KMT2A: variants seen among roughly 807,000 people sequenced by gnomAD.
KMT2A encodes lysine methyltransferase 2A.
Under a neutral mutation model 345.3 loss-of-function variants are expected in KMT2A, and 16 were observed. The ratio of observed to expected loss-of-function variants is 0.05; its 90% confidence interval spans 0.03 to 0.07. The LOEUF is 0.07. KMT2A is among the 10% of genes least tolerant of loss of function. KMT2A has a pLI of 1.00. For synonymous variants in KMT2A, 1,599 were observed against 1,778.6 expected, an observed-to-expected ratio of 0.90 and a Z score of 2.54; for missense variants, 3,272 against 4,841.6, an observed-to-expected ratio of 0.68 and a Z score of 9.62.
chr11:118,457,906 AG>A (rs1425561158), intron 1 of KMT2A, among the ~76,000 whole-genome samples: 19 of 152,102 alleles, frequency 1.2e-4, no homozygotes, highest in African/African-American at 4.3e-4. Flanking sequence ...TCTGTTTTTA[AG>A]ATTAGCAGGT....
At chr11:118,488,790 G>T (rs782603430) in intron 11 of KMT2A, 30 bp downstream of exon 11, 15 of 1,609,586 alleles carry the variant, frequency 9.3e-6, no homozygotes, top group Non-Finnish European at 1.2e-5. Flanking sequence ...AACTACAGCT[G>T]GGCCTCTGTA....
chr11:118,475,350 A>T (rs911474553), intron 3 of KMT2A, among the ~76,000 whole-genome samples: 2 of 152,118 alleles, frequency 1.3e-5, no homozygotes, highest in African/African-American at 4.8e-5. Context: ...TTAGGGTTTT[A>T]AAAAAATCGT....
In KMT2A at chr11:118,484,111, A is replaced by G; in HGVS notation, c.4087-72A>G. ...TCTATTAATAAAATTTGTCATTTGC[A>G]TTATTATCTGTTGCAAATGTGAAGG... On this transcript the variant is annotated intron_variant, in intron 8 of 35. Coordinates refer to ENST00000534358, the MANE Select transcript of KMT2A (RefSeq NM_001197104.2). This position sits in a 1 kb window ranked among gnomAD's most constrained non-coding sequence, Gnocchi z 4.1. 2.9e-6 allele frequency: 4 copies of G among 1,401,292 alleles called. No homozygotes were observed. The South Asian group carries it at 3.7e-5, about 13-fold the overall frequency. 86.8% of individuals were successfully genotyped at this position (1,401,292 alleles called of 1,614,324 possible).
intron 1 of KMT2A, chr11:118,448,983 C>A (rs1423183196): frequency 1.3e-5 from 2 of 152,142 alleles, no homozygotes; most frequent in African/African-American, 2.4e-5. Context: ...CATAAAACTG[C>A]TTGTATAAAT....
rs1555048078 is a variant in KMT2A, at chr11:118,505,921, C to T, written c.10029C>T (p.Val3343=). 1 of 1,614,196 alleles carries T rather than the reference C, an allele frequency of 6.2e-7. No homozygotes were observed. The highest frequency in any genetic ancestry group is 2.2e-5 in the East Asian group (1 of 44,882). Reference sequence around the variant, plus strand: ...CTGGCTTGGCATCCAGTTCCTCTGTCTTGAATGTTGTATCCATGCAAACTA... The same window carrying T: ...CTGGCTTGGCATCCAGTTCCTCTGTTTTGAATGTTGTATCCATGCAAACTA... ...SVSGLASSSS[V]LNVVSMQTTT... is the part of the protein sequence containing the mutation. The change falls in exon 27 of 36, where the codon GTC becomes GTT. Residue 3343 remains valine, a synonymous_variant. Coordinates refer to ENST00000534358, the MANE Select transcript of KMT2A (RefSeq NM_001197104.2). This position sits in a 1 kb window ranked among gnomAD's most constrained non-coding sequence, Gnocchi z 4.6.
rs1368519040 is a variant in KMT2A at position 118,521,113 on chromosome 11, A to C, written c.11514-175A>C. On this transcript the variant is annotated intron_variant, in intron 34 of 35. Coordinates refer to ENST00000534358, the MANE Select transcript of KMT2A (RefSeq NM_001197104.2). The surrounding 1 kb of genome is among the most constrained non-coding windows in gnomAD (Gnocchi z 5.3). Reference sequence around the variant, plus strand: ...TCCAGCGGGTCACAGAATGGAAATAACTTTCATCTTTGGCCATGTGTTAGA... The same window carrying C: ...TCCAGCGGGTCACAGAATGGAAATACCTTTCATCTTTGGCCATGTGTTAGA... 1 of 705,660 alleles carries C rather than the reference A, an allele frequency of 1.4e-6. No homozygotes were observed. The highest frequency in any genetic ancestry group is 1.8e-5 in the African/African-American group (1 of 55,972). 43.7% of individuals were successfully genotyped at this position (705,660 alleles called of 1,614,324 possible).
At chr11:118,517,505 A>G (rs1379853412) in intron 31 of KMT2A, among the ~76,000 whole-genome samples, 1 of 152,120 alleles carries the variant, frequency 6.6e-6, no homozygotes, top group Non-Finnish European at 1.5e-5. Context: ...TACCTAAGCC[A>G]AATTCTTAAG....
chr11:118,479,174 C>G (rs1260114529), intron 5 of KMT2A, among the ~76,000 whole-genome samples: 2 of 152,122 alleles, frequency 1.3e-5, no homozygotes, highest in African/African-American at 4.8e-5. Flanking sequence ...GTTGTGCTAT[C>G]AAATGCTAAG....
chr11:118,485,814 G>A (rs1555040722), intron 10 of KMT2A, among the ~76,000 whole-genome samples: 1 of 152,236 alleles, frequency 6.6e-6, no homozygotes, highest in Non-Finnish European at 1.5e-5. Context: ...TGGGCACGGT[G>A]GCTCACGCCT....
intron 5 of KMT2A, 35 bp from the exon 6 acceptor site, chr11:118,480,139 T>C: frequency 6.5e-7 from 1 of 1,535,016 alleles, no homozygotes; most frequent in Non-Finnish European, 9.0e-7. Context: ...CTTCTAAATT[T>C]AATTTGTTTC....
rs1950554984 is a variant in KMT2A, at chr11:118,504,859, A to G, written c.8967A>G (p.Glu2989=). ...LLSPGVDPTP[E]GHMTPDHFIQ... ...GCCCAGGAGTAGATCCAACTCCTGA[A>G]GGCCACATGACTCCTGATCATTTTA... Residue 2989 remains glutamate, a synonymous_variant, in exon 27 of 36, where the codon GAA becomes GAG. Coordinates refer to ENST00000534358, the MANE Select transcript of KMT2A (RefSeq NM_001197104.2). The surrounding 1 kb of genome is among the most constrained non-coding windows in gnomAD (Gnocchi z 6.4). 6.8e-6 allele frequency: 11 copies of G among 1,614,138 alleles called. No individual in the cohort carries two copies. Among genetic ancestry groups the G allele is most frequent in the Non-Finnish European group, 7.6e-6 (9 of 1,180,002 alleles).
intron 1 of KMT2A, among the ~76,000 whole-genome samples, chr11:118,454,869 A>G (rs1949611510): frequency 6.6e-6 from 1 of 151,632 alleles, no homozygotes; most frequent in African/African-American, 2.4e-5. Flanking sequence ...TTTAACTTGC[A>G]GAACAATTGA....
chr11:118,509,166 G>T lies in KMT2A; in HGVS notation c.10866G>T (p.Val3622=). 6.2e-7 allele frequency: 1 copy of T among 1,613,856 alleles called. No individual in the cohort carries two copies. The highest frequency in any genetic ancestry group is 1.1e-5 in the South Asian group (1 of 91,042). Residue 3622 remains valine, a synonymous_variant, in exon 29 of 36, where the codon GTG becomes GTT. Coordinates refer to ENST00000534358, the MANE Select transcript of KMT2A (RefSeq NM_001197104.2). ...GQVAVLPEVQ[V]TQNPANEQES... The stretch of plus-strand genomic sequence containing the variant: ...TCGCTGTTCTTCCGGAAGTTCAGGT[G>T]ACCCAAAATCCAGCAAATGAACAAG...
intron 1 of KMT2A, among the ~76,000 whole-genome samples, chr11:118,439,639 A>G (rs1475633191): frequency 6.6e-6 from 1 of 152,274 alleles, no homozygotes; most frequent in Admixed American, 6.5e-5. Context: ...ACTAGTATAT[A>G]ATGTAAAGCC....
At position 118,498,137 on chromosome 11, in the gene KMT2A, T is replaced by C; in HGVS notation, c.5802+64T>C. 6.6e-7 allele frequency: 1 copy of C among 1,526,626 alleles called. No individual in the cohort carries two copies. Among genetic ancestry groups the C allele is most frequent in the African/African-American group, 1.4e-5 (1 of 73,172 alleles). The allele number at this position is 1,526,626 out of a possible 1,614,324, so 94.6% of individuals were successfully genotyped here. A position where few individuals can be genotyped will look rare whatever the true frequency, so the allele number is the denominator to read the frequency against. ...TCTCAGTTTCCAGATATTCTTCCTGTGGGTGAATATGGCCTCCCTGATATT... is the reference window on the plus strand; with the variant it reads ...TCTCAGTTTCCAGATATTCTTCCTGCGGGTGAATATGGCCTCCCTGATATT... On this transcript the variant is annotated intron_variant, in intron 21 of 35. Coordinates refer to ENST00000534358, the MANE Select transcript of KMT2A (RefSeq NM_001197104.2). This position sits in a 1 kb window ranked among gnomAD's most constrained non-coding sequence, Gnocchi z 4.4.
In KMT2A at chr11:118,504,322, C is replaced by T; in HGVS notation, c.8430C>T (p.Ser2810=). 6.2e-7 allele frequency: 1 copy of T among 1,614,154 alleles called. No individual in the cohort carries two copies. The highest frequency in any genetic ancestry group is 8.5e-7 in the Non-Finnish European group (1 of 1,180,022). Residue 2810 remains serine, a synonymous_variant, in exon 27 of 36, where the codon AGC becomes AGT. Coordinates refer to ENST00000534358, the MANE Select transcript of KMT2A (RefSeq NM_001197104.2). This position sits in a 1 kb window ranked among gnomAD's most constrained non-coding sequence, Gnocchi z 6.4. ...LEAQLSSLES[S]RRVHTSTPSD... ...CTCAGCTCAGCTCATTGGAGTCAAG[C>T]CGCAGAGTCCACACAAGTACCCCCT...
intron 5 of KMT2A, among the ~76,000 whole-genome samples, chr11:118,479,681 A>G (rs1555038674): frequency 6.6e-6 from 1 of 152,238 alleles, no homozygotes; most frequent in Non-Finnish European, 1.5e-5. Flanking sequence ...ATTCAGTGCA[A>G]TTGTAGACTT....
At chr11:118,475,838 T>C (rs1396522144) in intron 3 of KMT2A, among the ~76,000 whole-genome samples, 1 of 152,224 alleles carries the variant, frequency 6.6e-6, no homozygotes, top group African/African-American at 2.4e-5. Context: ...TTTAACACCA[T>C]GTTGGATGTT....
chr11:118,482,230 A>G, intron 7 of KMT2A, 138 bp downstream of exon 7: 2 of 1,047,172 alleles, frequency 1.9e-6, no homozygotes, highest in Non-Finnish European at 2.7e-6. Flanking sequence ...CTTTCTAACT[A>G]TTATGTTTAA....
Sources: gnomAD v4.1 joint callset for allele counts (sites outside exome capture counted in the v4.1 genomes callset) on GRCh38, gnomAD v4.1.1 for gene constraint, Gnocchi (gnomAD v3.1) non-coding constraint, MANE v1.5 for transcripts, NCBI Gene and HGNC (gene_info 2026-07-23, HGNC 2026-07-21) for gene names.